Variants in CSMD1 observed in about 807,000 individuals in gnomAD.
CSMD1 encodes CUB and Sushi multiple domains 1.
In CSMD1, 213 loss-of-function variants were observed where a neutral mutation model predicts 417.5. That is an observed-to-expected ratio of 0.51 (90% CI 0.46 to 0.57). The LOEUF is 0.57. Ranked by LOEUF, CSMD1 falls within the 20% of genes least tolerant of loss-of-function variation. CSMD1 has a pLI of 0.00. For missense variants in CSMD1, 6,923 were observed against 4,529.7 expected (o/e 1.53, Z -15.17); for synonymous variants, 2,862 against 1,736.8 (o/e 1.65, Z -16.11).
intron 7 of CSMD1, among the ~76,000 whole-genome samples, chr8:3,652,737 T>C (rs1367036158): frequency 6.6e-6 from 1 of 151,952 alleles, no homozygotes; most frequent in East Asian, 1.9e-4. Flanking sequence ...CCCTAACAAG[T>C]GGGGATTATT....
At chr8:4,780,059 G>T (rs776629166) in intron 1 of CSMD1, among the ~76,000 whole-genome samples, 5 of 152,074 alleles carry the variant, frequency 3.3e-5, no homozygotes, top group Admixed American at 2.0e-4. Context: ...CCCTCATGGG[G>T]CACGTACTTC....
chr8:3,137,315 AC>A (rs761802666), intron 41 of CSMD1, among the ~76,000 whole-genome samples: 3 of 152,238 alleles, frequency 2.0e-5, no homozygotes, highest in Non-Finnish European at 4.4e-5. Context: ...CAGACCTCAA[AC>A]AAATAAAGGC....
intron 5 of CSMD1, among the ~76,000 whole-genome samples, chr8:3,947,444 G>C (rs1022544270): frequency 3.3e-5 from 5 of 152,008 alleles, no homozygotes; most frequent in Non-Finnish European, 5.9e-5. Context: ...ATTTTTAAAA[G>C]GTTTTTTCTG....
intron 1 of CSMD1, among the ~76,000 whole-genome samples, chr8:4,744,642 AT>A (rs1810832722): frequency 6.6e-6 from 1 of 152,138 alleles, no homozygotes; most frequent in African/African-American, 2.4e-5. Context: ...TAACAATATT[AT>A]TCTCAATTTT....
At chr8:3,898,411 T>C (rs1160029818) in intron 5 of CSMD1, among the ~76,000 whole-genome samples, 2 of 152,308 alleles carry the variant, frequency 1.3e-5, no homozygotes, top group African/African-American at 2.4e-5. Context: ...CAAGTGCCAT[T>C]ATAAAGTGTT....
At chr8:3,550,477 A>C (rs1439622331) in intron 10 of CSMD1, among the ~76,000 whole-genome samples, 1 of 152,202 alleles carries the variant, frequency 6.6e-6, no homozygotes, top group African/African-American at 2.4e-5. Context: ...GCGGCTGTGC[A>C]TATCGATGGG....
At chr8:3,751,071 GTTTTAAGCAGGAAGTCCCCT>G in intron 6 of CSMD1, among the ~76,000 whole-genome samples, 1 of 152,032 alleles carries the variant, frequency 6.6e-6, no homozygotes, top group Admixed American at 6.6e-5. Context: ...CGTAAATGTG[GTTTTAAGCAGGAAGTCCCCT>G]GTTCAATGAG....
chr8:4,093,618 G>A (rs1470029579), intron 3 of CSMD1, among the ~76,000 whole-genome samples: 1 of 152,010 alleles, frequency 6.6e-6, no homozygotes, highest in Non-Finnish European at 1.5e-5. Flanking sequence ...TTTGAAAGTC[G>A]AATTTAAGCC....
At chr8:4,897,255 G>A (rs17071778) in intron 1 of CSMD1, among the ~76,000 whole-genome samples, 2,090 of 152,000 alleles carry the variant, frequency 0.014, 71 homozygotes, top group African/African-American at 0.045. Flanking sequence ...TCCTTTCATC[G>A]TATCAACCAA....
At chr8:4,308,300 G>C (rs929220035) in intron 3 of CSMD1, among the ~76,000 whole-genome samples, 1 of 151,966 alleles carries the variant, frequency 6.6e-6, no homozygotes, top group African/African-American at 2.4e-5. Context: ...TGTGAAGTTT[G>C]AAGTGTATGT....
At position 3,875,275 on chromosome 8, in the gene CSMD1, C is replaced by A. The variant is rs907520664; in HGVS notation, c.819-121233G>T. Among the ~76,000 whole-genome samples, 3 of 152,196 alleles carry A rather than the reference C, an allele frequency of 2.0e-5. No homozygotes were observed. In the East Asian group the frequency reaches 5.8e-4, roughly 29 times the overall value. On this transcript the variant is annotated intron_variant, in intron 5 of 69. Transcript: ENST00000635120. ...CATAGCTGAGAAGAAGGATAAAAGG[C>A]AATATTTACACTGCATTAAGGATCC... is the stretch of plus-strand genomic sequence containing the variant.
At chr8:3,616,146 A>G (rs193013591) in intron 8 of CSMD1, among the ~76,000 whole-genome samples, 123 of 152,314 alleles carry the variant, frequency 8.1e-4, no homozygotes, top group East Asian at 1.5e-3. Flanking sequence ...TATGACATTT[A>G]CATGGTTTGG....
At chr8:4,754,065 C>T (rs207468921) in intron 1 of CSMD1, among the ~76,000 whole-genome samples, 1 of 151,912 alleles carries the variant, frequency 6.6e-6, no homozygotes, top group Non-Finnish European at 1.5e-5. Flanking sequence ...AAAATGTATG[C>T]GTTGCTCACC....
chr8:3,937,320 A>G (rs1275264052), intron 5 of CSMD1, among the ~76,000 whole-genome samples: 2 of 152,212 alleles, frequency 1.3e-5, no homozygotes, highest in Non-Finnish European at 2.9e-5. Flanking sequence ...CTTCTTAACC[A>G]GCAACACATG....
At chr8:3,763,306 G>C (rs1021461349) in intron 5 of CSMD1, among the ~76,000 whole-genome samples, 2 of 152,168 alleles carry the variant, frequency 1.3e-5, no homozygotes, top group African/African-American at 2.4e-5. Context: ...ATGATTGCCG[G>C]TATTGGAGGT....
chr8:3,977,691 C>A (rs17068370), intron 5 of CSMD1, among the ~76,000 whole-genome samples: 4,369 of 152,240 alleles, frequency 0.029, 208 homozygotes, highest in African/African-American at 0.099. Context: ...AAATCACCAA[C>A]TTTCTCTTTC....
chr8:3,503,255 T>C (rs543419634), intron 10 of CSMD1, among the ~76,000 whole-genome samples: 221 of 152,328 alleles, frequency 1.5e-3, no homozygotes, highest in South Asian at 0.014. Context: ...CCTTGCTTTA[T>C]CTGAGATGTT....
intron 6 of CSMD1, among the ~76,000 whole-genome samples, chr8:3,718,733 A>T (rs992017279): frequency 6.6e-6 from 1 of 152,162 alleles, no homozygotes; most frequent in Non-Finnish European, 1.5e-5. Flanking sequence ...GCTTTACTGG[A>T]AGAAAGGCAA....
intron 6 of CSMD1, among the ~76,000 whole-genome samples, chr8:3,749,495 G>A (rs1797220044): frequency 1.3e-5 from 2 of 152,116 alleles, no homozygotes; most frequent in African/African-American, 4.8e-5. Flanking sequence ...AAGACTCCGA[G>A]AATAAAGAAT....
Sources: allele counts gnomAD v4.1 joint callset (sites outside exome capture counted in the v4.1 genomes callset), GRCh38; gene constraint gnomAD v4.1.1; transcripts MANE v1.5; gene names NCBI Gene and HGNC (gene_info 2026-07-23, HGNC 2026-07-21).